The following MGAT5 variants were observed in gnomAD, a reference collection of about 807,000 sequenced individuals.
The protein encoded by MGAT5 is alpha-1,6-mannosylglycoprotein 6-beta-N-acetylglucosaminyltransferase, also known as alpha-1,6-mannosylglycoprotein 6-beta-N-acetylglucosaminyltransferase A.
In MGAT5, 30 loss-of-function variants were observed where a neutral mutation model predicts 94.3. The ratio of observed to expected loss-of-function variants is 0.32; its 90% CI spans 0.24 to 0.43. MGAT5 has a LOEUF of 0.43. MGAT5 is among the 20% of genes least tolerant of loss of function. MGAT5 has a pLI of 1.00. For synonymous variants in MGAT5, 310 were observed against 322.9 expected (o/e 0.96, Z 0.43); for missense variants, 691 against 905.5 (o/e 0.76, Z 3.04).
At chr2:134,266,986 A>G (rs572379381) in intron 1 of MGAT5, among the ~76,000 whole-genome samples, 2 of 152,202 alleles carry the variant, frequency 1.3e-5, no homozygotes, top group Non-Finnish European at 2.9e-5. Flanking sequence ...GGATCACTTG[A>G]TGTATCTGGT....
At chr2:134,279,247 T>A (rs915437300) in intron 2 of MGAT5, among the ~76,000 whole-genome samples, 1 of 152,202 alleles carries the variant, frequency 6.6e-6, no homozygotes, top group East Asian at 1.9e-4. Flanking sequence ...GGTCCCTGAA[T>A]CCTTTTGGAA....
In MGAT5 at chr2:134,189,607, T is replaced by TTTTTGTTTTTTTTTTTG. The variant is rs1553490428; in HGVS notation, c.-142-64651_-142-64650insGTTTTTTTTTTTGTTTT. Among the ~76,000 whole-genome samples, 41 of 80,668 alleles carry TTTTTGTTTTTTTTTTTG rather than the reference T, an allele frequency of 5.1e-4. 2 individuals are homozygous for TTTTTGTTTTTTTTTTTG. The highest frequency in any genetic ancestry group is 1.4e-3 in the Admixed American group (10 of 7,256). The allele number at this position is 80,668 out of a possible 152,430, so 52.9% of individuals were successfully genotyped here. A position where few individuals can be genotyped will look rare whatever the true frequency, so the allele number is the denominator to read the frequency against. ...CATGGCTCTAGTTTTTTTTTGTTTT[T>TTTTTGTTTTTTTTTTTG]TTTTTTTTTTTTTAAGACAGAGTCT... On this transcript the variant is annotated intron_variant, in intron 1 of 16. Coordinates refer to the MGAT5 transcript ENST00000409645.
At chr2:134,126,634 G>T (rs1268985079) in intron 1 of MGAT5, among the ~76,000 whole-genome samples, 1 of 152,134 alleles carries the variant, frequency 6.6e-6, no homozygotes, top group Non-Finnish European at 1.5e-5. Context: ...AAAAACCTTG[G>T]TCCTTACTTT....
intron 1 of MGAT5, among the ~76,000 whole-genome samples, chr2:134,219,326 A>G (rs1680642557): frequency 6.6e-6 from 1 of 152,110 alleles, no homozygotes; most frequent in South Asian, 2.1e-4. Context: ...TGGGAGTGGC[A>G]GGAGACAAGG....
intron 12 of MGAT5, among the ~76,000 whole-genome samples, chr2:134,417,525 G>A (rs1265084905): frequency 1.3e-5 from 2 of 152,102 alleles, no homozygotes; most frequent in Non-Finnish European, 2.9e-5. Context: ...TTTGTACACT[G>A]TTTCTCAATT....
At position 134,317,474 on chromosome 2, in the gene MGAT5, A is replaced by T. The variant is rs923412801; in HGVS notation, c.407-55A>T. 15 of 1,307,308 alleles carry T rather than the reference A, an allele frequency of 1.1e-5. No homozygotes were observed. In the African/African-American group the frequency reaches 2.1e-4, roughly 19 times the overall value. 81.0% of individuals were successfully genotyped at this position (1,307,308 alleles called of 1,614,324 possible). On this transcript the variant is annotated intron_variant, in intron 2 of 15. Coordinates refer to ENST00000281923, the MANE Select transcript of MGAT5 (RefSeq NM_002410.5). ...CTACCTCTTGGCTTACAAGAATGTT[A>T]GGCTTGTGTTTTATAGATCTCATTG...
intron 13 of MGAT5, among the ~76,000 whole-genome samples, chr2:134,424,772 G>T (rs756426068): frequency 6.6e-6 from 1 of 152,216 alleles, no homozygotes; most frequent in African/African-American, 2.4e-5. Context: ...TCTCTAGCTA[G>T]ATATCCTCCC....
intron 1 of MGAT5, among the ~76,000 whole-genome samples, chr2:134,265,802 T>C (rs1470083126): frequency 6.6e-6 from 1 of 152,208 alleles, no homozygotes; most frequent in African/African-American, 2.4e-5. Flanking sequence ...TTTGGAGTAA[T>C]ATTTTTCTAT....
In MGAT5 at chr2:134,130,022, C is replaced by T. The variant is rs542508479; in HGVS notation, c.-143+9731C>T. Among the ~76,000 whole-genome samples the T allele has an allele frequency of 1.4e-4, 21 of 152,320 alleles. No homozygotes were observed. In the South Asian group the frequency reaches 1.4e-3, roughly 11 times the overall value. ...AGGTGGGCGTGGGCTCCGCGGGCCC[C>T]GCACTCGGAGCGGCCGGCTGGGGCA... is the stretch of plus-strand genomic sequence containing the variant. On this transcript the variant is annotated intron_variant, in intron 1 of 16. Coordinates refer to the MGAT5 transcript ENST00000409645.
chr2:134,416,474 C>CTTTTTTTTTTTTTTTTT lies in MGAT5; in HGVS notation c.1677+3470_1677+3471insTTTTTTTTTTTTTTTTT, dbSNP rs71275904. On this transcript the variant is annotated intron_variant, in intron 12 of 15. Coordinates refer to ENST00000281923, the MANE Select transcript of MGAT5 (RefSeq NM_002410.5). Reference sequence around the variant, plus strand: ...GCCTGTTTCAGAATCTCATTCCTTACTTTTTTTTTTTGGAGACCGGGTCTT... The same window carrying CTTTTTTTTTTTTTTTTT: ...GCCTGTTTCAGAATCTCATTCCTTACTTTTTTTTTTTTTTTTTTTTTTTTTTTTGGAGACCGGGTCTT... Among the ~76,000 whole-genome samples the CTTTTTTTTTTTTTTTTT allele has an allele frequency of 6.2e-3, 862 of 138,424 alleles. 18 individuals carry two copies. Among genetic ancestry groups the CTTTTTTTTTTTTTTTTT allele is most frequent in the South Asian group, 0.014 (60 of 4,178 alleles). The allele number at this position is 138,424 out of a possible 152,430, so 90.8% of individuals were successfully genotyped here.
At chr2:134,262,868 G>A (rs1349935941) in intron 1 of MGAT5, among the ~76,000 whole-genome samples, 1 of 152,216 alleles carries the variant, frequency 6.6e-6, no homozygotes, top group East Asian at 1.9e-4. Flanking sequence ...GGTAGAGCCT[G>A]ACCAGACATG....
At chr2:134,144,422 A>G (rs149124835) in intron 1 of MGAT5, among the ~76,000 whole-genome samples, 4 of 152,286 alleles carry the variant, frequency 2.6e-5, no homozygotes, top group East Asian at 3.9e-4. Context: ...TGTCAGGAGA[A>G]TAGCACCTAG....
chr2:134,149,368 G>C (rs758920559), intron 1 of MGAT5, among the ~76,000 whole-genome samples: 6 of 151,838 alleles, frequency 4.0e-5, no homozygotes, highest in Non-Finnish European at 5.9e-5. Context: ...TGTTTTATAG[G>C]CCCCCCAGAG....
At position 134,452,595 on chromosome 2, in the gene MGAT5, A is replaced by G. The variant is rs758745768; in HGVS notation, c.*3748A>G. 5 of 152,204 alleles carry G rather than the reference A, an allele frequency of 3.3e-5. No individual in the cohort carries two copies. Among genetic ancestry groups the G allele is most frequent in the Non-Finnish European group, 7.3e-5 (5 of 68,040 alleles). 9.4% of individuals were successfully genotyped at this position (152,204 alleles called of 1,614,324 possible). A position where few individuals can be genotyped will look rare whatever the true frequency, so the allele number is the denominator to read the frequency against. ...AGGTGTGTGCCTTTTAGGGCAGACC[A>G]CGGTGGCCACCCCATTTCTCCAAGG... On this transcript the variant is annotated 3_prime_UTR_variant, in exon 16 of 16. Coordinates refer to ENST00000281923, the MANE Select transcript of MGAT5 (RefSeq NM_002410.5).
At chr2:134,337,073 C>T (rs1168430424) in intron 5 of MGAT5, among the ~76,000 whole-genome samples, 1 of 152,114 alleles carries the variant, frequency 6.6e-6, no homozygotes, top group African/African-American at 2.4e-5. Context: ...TGGCTGAGTT[C>T]CAGTAAAATT....
At position 134,454,059 on chromosome 2, in the gene MGAT5, G is replaced by GCAT. The variant is rs921847918; in HGVS notation, c.*5214_*5216dup. 3 of 152,202 alleles carry GCAT rather than the reference G, an allele frequency of 2.0e-5. No individual in the cohort carries two copies. The South Asian group carries it at 6.2e-4, about 32-fold the overall frequency. 9.4% of individuals were successfully genotyped at this position (152,202 alleles called of 1,614,324 possible). On this transcript the variant is annotated 3_prime_UTR_variant, in exon 16 of 16. Transcript: ENST00000281923. ...GTGACTGGAATTTCCCATCTGCAAA[G>GCAT]CATCTCTGTAGCCCAGATTTTGTGG...
intron 10 of MGAT5, among the ~76,000 whole-genome samples, chr2:134,370,600 G>A (rs913440461): frequency 2.0e-5 from 3 of 152,262 alleles, no homozygotes; most frequent in South Asian, 2.1e-4. Context: ...GCAGGGAGGA[G>A]TGTAGGCATC....
intron 1 of MGAT5, among the ~76,000 whole-genome samples, chr2:134,199,948 A>C (rs1251457328): frequency 6.6e-6 from 1 of 152,188 alleles, no homozygotes; most frequent in Non-Finnish European, 1.5e-5. Flanking sequence ...TCAGTGGTCC[A>C]GTGAAAAAAT....
chr2:134,328,235 CT>C (rs1202504997), intron 4 of MGAT5, among the ~76,000 whole-genome samples: 2 of 152,080 alleles, frequency 1.3e-5, no homozygotes, highest in African/African-American at 4.8e-5. Flanking sequence ...CCCCTCACCC[CT>C]GATATGCTGA....
Sources: gnomAD v4.1 joint callset for allele counts (sites outside exome capture counted in the v4.1 genomes callset) on GRCh38, gnomAD v4.1.1 for gene constraint, MANE v1.5 for transcripts, NCBI Gene and HGNC (gene_info 2026-07-23, HGNC 2026-07-21) for gene names.